SOCS2: variants seen among roughly 807,000 people sequenced by gnomAD.
SOCS2 encodes CIS-2.
A neutral mutation model predicts 18.6 loss-of-function variants in SOCS2; 10 were observed. The ratio of observed to expected loss-of-function variants is 0.54; its 90% CI spans 0.33 to 0.91. The LOEUF is 0.91. Ranked by LOEUF, SOCS2 falls within the 40% of genes least tolerant of loss-of-function variation. SOCS2 has a pLI of 0.02. For synonymous variants in SOCS2, 104 were observed against 104.0 expected (o/e 1.00, Z 0.00); for missense variants, 231 against 247.2 (o/e 0.93, Z 0.44).
At chr12:93,601,436 G>A in the SOCS2 span, among the ~76,000 whole-genome samples, 25 of 152,016 alleles carry the variant, frequency 1.6e-4, no homozygotes, top group Admixed American at 7.2e-4. Context: ...CACCATGGCC[G>A]GCTTTTCAGT....
chr12:93,584,317 A>G (rs753763871), downstream of SOCS2, among the ~76,000 whole-genome samples: 2 of 152,164 alleles, frequency 1.3e-5, no homozygotes, highest in African/African-American at 2.4e-5. Flanking sequence ...ATAACAACCT[A>G]TTTTCAGTTT....
chr12:93,581,865 G>C (rs1276068400), intron 1 of SOCS2, among the ~76,000 whole-genome samples: 2 of 152,136 alleles, frequency 1.3e-5, no homozygotes, highest in Non-Finnish European at 1.5e-5. Flanking sequence ...CCATTACCCT[G>C]CTTAGCCATT....
At chr12:93,601,612 G>A in the SOCS2 span, among the ~76,000 whole-genome samples, 1 of 152,324 alleles carries the variant, frequency 6.6e-6, no homozygotes, top group East Asian at 1.9e-4. Flanking sequence ...CCTGGCCAAA[G>A]TCTGGATTTT....
downstream of SOCS2, chr12:93,576,888 C>T (rs889971754): frequency 1.3e-5 from 2 of 152,174 alleles, no homozygotes; most frequent in Admixed American, 1.3e-4. Flanking sequence ...CCTAAAACTT[C>T]AAGAAAAGCT....
intron 1 of SOCS2, chr12:93,574,204 C>CTTTTTTT (rs869212617): frequency 2.6e-5 from 2 of 76,978 alleles, no homozygotes; most frequent in African/African-American, 5.4e-5. Flanking sequence ...TTTGCAGATT[C>CTTTTTTT]TTTTTTTTTT....
At chr12:93,590,822 A>AAAAAAAAG in the SOCS2 span, among the ~76,000 whole-genome samples, 3 of 142,884 alleles carry the variant, frequency 2.1e-5, no homozygotes, top group African/African-American at 8.0e-5. Context: ...AAAAAAAAAA[A>AAAAAAAAG]GTTAGCTTCC....
downstream of SOCS2, among the ~76,000 whole-genome samples, chr12:93,577,958 G>A (rs1045898692): frequency 2.3e-4 from 35 of 152,146 alleles, no homozygotes; most frequent in African/African-American, 7.5e-4. Flanking sequence ...GCATTTGTGA[G>A]GATATTTATT....
At chr12:93,614,535 CCTTCCTTCTTTCTTTCTTTCTTTCTTT>C in the SOCS2 span, among the ~76,000 whole-genome samples, 3 of 88,392 alleles carry the variant, frequency 3.4e-5, no homozygotes, top group Non-Finnish European at 3.9e-5. Context: ...TTCCTTCCTT[CCTTCCTTCTTTCTTTCTTTCTTTCTTT>C]CTTTCTTTCT....
At chr12:93,584,741 C>T (rs539334840), downstream of SOCS2, among the ~76,000 whole-genome samples, 9 of 152,176 alleles carry the variant, frequency 5.9e-5, no homozygotes, top group Admixed American at 3.3e-4. Flanking sequence ...GAGTCCCTGA[C>T]ATCTGAATTT....
At chr12:93,612,212 T>C in the SOCS2 span, among the ~76,000 whole-genome samples, 1 of 152,188 alleles carries the variant, frequency 6.6e-6, no homozygotes, top group Non-Finnish European at 1.5e-5. Flanking sequence ...TCCATTTCCC[T>C]TCACACTTCC....
upstream of SOCS2, chr12:93,570,499 TC>T (rs2136677304): frequency 6.6e-6 from 1 of 152,350 alleles, no homozygotes; most frequent in Admixed American, 6.5e-5. Flanking sequence ...GAGTCTGGTT[TC>T]CGAGGACCCA....
chr12:93,602,491 C>T, the SOCS2 span, among the ~76,000 whole-genome samples: 19 of 152,140 alleles, frequency 1.2e-4, no homozygotes, highest in Admixed American at 1.1e-3. Flanking sequence ...AACATATCGG[C>T]ATGAGAATGT....
the SOCS2 span, among the ~76,000 whole-genome samples, chr12:93,592,389 C>T: frequency 0.013 from 1,929 of 152,250 alleles, 42 homozygotes; most frequent in African/African-American, 0.044. Context: ...CAGTCTCCTG[C>T]TAGTGGATAT....
At chr12:93,592,858 C>CCTTGACTGT in the SOCS2 span, among the ~76,000 whole-genome samples, 1 of 151,038 alleles carries the variant, frequency 6.6e-6, no homozygotes, top group African/African-American at 2.4e-5. Context: ...TGGCTCTATG[C>CCTTGACTGT]CTTGACTGTG....
At chr12:93,622,940 C>T in the SOCS2 span, among the ~76,000 whole-genome samples, 4 of 151,932 alleles carry the variant, frequency 2.6e-5, no homozygotes, top group African/African-American at 7.3e-5. Context: ...ATAAAAAAAT[C>T]ACTTTCAGTT....
chr12:93,619,821 G>T, the SOCS2 span, among the ~76,000 whole-genome samples: 2 of 152,132 alleles, frequency 1.3e-5, no homozygotes, highest in African/African-American at 4.8e-5. Flanking sequence ...ATGCTCTATA[G>T]CCTGCCTAAA....
chr12:93,595,385 T>C, the SOCS2 span, among the ~76,000 whole-genome samples: 2 of 152,210 alleles, frequency 1.3e-5, no homozygotes, highest in African/African-American at 4.8e-5. Flanking sequence ...ATAAATTCAG[T>C]TGAAAGACCA....
At chr12:93,622,513 C>T in the SOCS2 span, among the ~76,000 whole-genome samples, 5 of 152,266 alleles carry the variant, frequency 3.3e-5, no homozygotes, top group East Asian at 3.9e-4. Context: ...TGCAGATACA[C>T]GACCAGTGAA....
At chr12:93,625,015 T>TA in the SOCS2 span, among the ~76,000 whole-genome samples, 1 of 152,244 alleles carries the variant, frequency 6.6e-6, no homozygotes, top group Admixed American at 6.5e-5. Context: ...TCCCCTGAGA[T>TA]AATCTTTTTA....
Sources: allele counts gnomAD v4.1 joint callset (sites outside exome capture counted in the v4.1 genomes callset), GRCh38; gene constraint gnomAD v4.1.1; transcripts MANE v1.5; gene names NCBI Gene and HGNC (gene_info 2026-07-23, HGNC 2026-07-21).